The following AHSA1 variants were observed in gnomAD, a reference collection of about 807,000 sequenced individuals.
AHSA1 encodes the protein activator of 90 kDa heat shock protein ATPase homolog 1.
Under a neutral mutation model 46.1 loss-of-function variants are expected in AHSA1, and 14 were observed. The ratio of observed to expected loss-of-function variants is 0.30; its 90% CI spans 0.20 to 0.47. The LOEUF (loss-of-function observed/expected upper bound fraction) is 0.47, where lower values mean the gene tolerates loss of function less well. AHSA1 is among the 20% of genes least tolerant of loss of function. The pLI is 0.99. For synonymous variants in AHSA1, 147 were observed against 145.8 expected, an observed-to-expected ratio of 1.01 and a Z score of -0.06; for missense variants, 333 against 415.9, an observed-to-expected ratio of 0.80 and a Z score of 1.73.
chr14:77,458,389 G>C (rs989421171), intron 1 of AHSA1, 120 bp downstream of exon 1: 2 of 1,041,590 alleles, frequency 1.9e-6, no homozygotes, highest in African/African-American at 3.4e-5. Flanking sequence ...GGAGATGGGG[G>C]TGGGTCCTTC....
At chr14:77,461,772 A>T in intron 2 of AHSA1, among the ~76,000 whole-genome samples, 1 of 152,250 alleles carries the variant, frequency 6.6e-6, no homozygotes, top group East Asian at 1.9e-4. Flanking sequence ...ATGGAGTCAC[A>T]TATAAGCAAA....
At chr14:77,459,568 G>T (rs759600227) in intron 1 of AHSA1, 48 bp from the exon 2 acceptor site, 1 of 1,588,216 alleles carries the variant, frequency 6.3e-7, no homozygotes. Context: ...ATAGAGCAGC[G>T]TATCCTCCGT....
Position 77,463,803 on chromosome 14 carries a change from G to A in AHSA1, c.473-795G>A, listed in dbSNP as rs141623260. Among the ~76,000 whole-genome samples the A allele has an allele frequency of 2.8e-3, 433 of 152,302 alleles. 2 individuals carry two copies. The highest frequency in any genetic ancestry group is 0.019 in the Admixed American group (288 of 15,300). On this transcript the variant is annotated intron_variant, in intron 4 of 8. Transcript: ENST00000216479. ...TTTCTGCCAGTGTATTCTGATCTTG[G>A]TGTTGGAATATGTATAATAACCATC...
chr14:77,468,391 C>A, intron 7 of AHSA1, 66 bp from the exon 8 acceptor site: 1 of 1,466,840 alleles, frequency 6.8e-7, no homozygotes, highest in Non-Finnish European at 9.5e-7. Context: ...GGGCAGATGA[C>A]TGATCCTAGC....
At chr14:77,458,012 T>A, upstream of AHSA1, 1 of 523,046 alleles carries the variant, frequency 1.9e-6, no homozygotes, top group Non-Finnish European at 3.3e-6. Flanking sequence ...AAGTAACCGG[T>A]GGGAGTGGGG....
At chr14:77,468,755 C>CTTTTTTTTTTTTTT (rs770728219) in intron 8 of AHSA1, 51 of 313,384 alleles carry the variant, frequency 1.6e-4, no homozygotes, top group African/African-American at 8.8e-4. Flanking sequence ...TACTTTTTTA[C>CTTTTTTTTTTTTTT]TTTTTTTGTA....
At chr14:77,459,911 G>A (rs1362160034) in intron 2 of AHSA1, 105 bp downstream of exon 2, 6 of 1,284,224 alleles carry the variant, frequency 4.7e-6, no homozygotes, top group Non-Finnish European at 6.7e-6. Flanking sequence ...AAGGGAGAAG[G>A]CAGATGTTGC....
intron 4 of AHSA1, among the ~76,000 whole-genome samples, chr14:77,463,432 C>A (rs1272013685): frequency 6.6e-6 from 1 of 151,238 alleles, no homozygotes; most frequent in Non-Finnish European, 1.5e-5. Flanking sequence ...ACTAAAAATA[C>A]AAAATTAGCC....
In AHSA1 at chr14:77,468,755, C is replaced by CTTT. The variant is rs770728219; in HGVS notation, c.844+252_844+254dup. On this transcript the variant is annotated intron_variant, in intron 8 of 8. Transcript: ENST00000216479. ...TTTTTTTTTTTTTTTTACTTTTTTA[C>CTTT]TTTTTTTGTAGAGATGGGGTCCTAC... 5.7e-5 allele frequency: 18 copies of CTTT among 313,400 alleles called. 2 individuals are homozygous for CTTT. Among genetic ancestry groups the CTTT allele is most frequent in the Middle Eastern group, 8.3e-4 (1 of 1,208 alleles). The allele number at this position is 313,400 out of a possible 1,614,324, so 19.4% of individuals were successfully genotyped here.
At chr14:77,462,431 T>C in intron 3 of AHSA1, 189 bp downstream of exon 3, 1 of 718,728 alleles carries the variant, frequency 1.4e-6, no homozygotes, top group Non-Finnish European at 2.3e-6. Flanking sequence ...CTTTAATTTC[T>C]TCACTTTAGC....
In AHSA1 at chr14:77,469,287, A is replaced by C. The variant is rs368763735; in HGVS notation, c.*38A>C. ...GGGACTCCAGCCTGCTGGACACTTC[A>C]GTCCAGCTCTCTCCTGACTGGGGCT... is the stretch of plus-strand genomic sequence containing the variant. On this transcript the variant is annotated 3_prime_UTR_variant, in exon 9 of 9. Transcript: ENST00000216479. 13 of 1,603,178 alleles carry C rather than the reference A, an allele frequency of 8.1e-6. No homozygotes were observed. In the African/African-American group the frequency reaches 1.1e-4, roughly 13 times the overall value.
chr14:77,459,761 A>T lies in AHSA1; in HGVS notation c.226A>T (p.Lys76Ter). ...GEASINNRKG[K>*]LIFFYEWSVK... ...GGCATCCATTAACAATCGCAAAGGG[A>T]AACTTATCTTCTTTTATGAATGGAG... Residue 76 changes from lysine (K) to a stop codon, truncating the protein, a stop_gained, in exon 2 of 9, where the codon AAA becomes TAA. Transcript: ENST00000216479. LOFTEE classifies it high-confidence loss of function. 1 of 1,614,200 alleles carries T rather than the reference A, an allele frequency of 6.2e-7. No homozygotes were observed. The highest frequency in any genetic ancestry group is 1.3e-5 in the African/African-American group (1 of 75,038).
chr14:77,460,074 C>A, intron 2 of AHSA1: 1 of 478,926 alleles, frequency 2.1e-6, no homozygotes, highest in Non-Finnish European at 3.8e-6. Context: ...TGTTGGGACA[C>A]CTACGATGAT....
rs150549065 is a variant in AHSA1, at chr14:77,459,638, T to C, written c.103T>C (p.Trp35Arg). The change falls in exon 2 of 9, where the codon TGG becomes CGG. Residue 35 changes from tryptophan (W) to arginine (R), a missense_variant. Trp to Arg is a moderately radical substitution (Grantham distance 101). Transcript: ENST00000216479. Reference sequence around the variant, plus strand: ...CAGGACGGAGAGAGATGCTTCAAATTGGTCCACGGATAAGCTGAAAACACT... The same window carrying C: ...CAGGACGGAGAGAGATGCTTCAAATCGGTCCACGGATAAGCTGAAAACACT... ...WHWTERDASNWSTDKLKTLFL... is the reference protein window; with the variant it reads ...WHWTERDASNRSTDKLKTLFL... 5 of 1,614,218 alleles carry C rather than the reference T, an allele frequency of 3.1e-6. No homozygotes were observed. Among genetic ancestry groups the C allele is most frequent in the Non-Finnish European group, 4.2e-6 (5 of 1,180,044 alleles).
At chr14:77,464,154 A>T (rs1205369461) in intron 4 of AHSA1, among the ~76,000 whole-genome samples, 1 of 152,198 alleles carries the variant, frequency 6.6e-6, no homozygotes, top group Non-Finnish European at 1.5e-5. Flanking sequence ...CGAGGCTAGT[A>T]GATCACAAGG....
In AHSA1 at chr14:77,469,068, C is replaced by T. The variant is rs769486247; in HGVS notation, c.845-9C>T. 2 of 1,613,682 alleles carry T rather than the reference C, an allele frequency of 1.2e-6. No individual in the cohort carries two copies. Among genetic ancestry groups the T allele is most frequent in the African/African-American group, 1.3e-5 (1 of 75,008 alleles). On this transcript the variant is annotated splice_polypyrimidine_tract_variant and intron_variant, in intron 8 of 8. Coordinates refer to ENST00000216479, the MANE Select transcript of AHSA1 (RefSeq NM_012111.3). ...GATATGAAACCTCCGTCCCCTCTGCCTTTCCCAGGACACTTTGCCACCATC... is the reference window on the plus strand; with the variant it reads ...GATATGAAACCTCCGTCCCCTCTGCTTTTCCCAGGACACTTTGCCACCATC...
At chr14:77,458,596 T>A (rs190077381) in intron 1 of AHSA1, among the ~76,000 whole-genome samples, 1 of 152,384 alleles carries the variant, frequency 6.6e-6, no homozygotes, top group East Asian at 1.9e-4. Flanking sequence ...TCACTGAGAC[T>A]GGAACCTCCT....
chr14:77,465,476 A>G, intron 5 of AHSA1, 63 bp from the exon 6 acceptor site: 1 of 1,564,438 alleles, frequency 6.4e-7, no homozygotes, highest in Non-Finnish European at 8.7e-7. Flanking sequence ...CTGTCTCTGA[A>G]GCCACGTTGA....
chr14:77,468,562 ATTTT>A (rs36001778), intron 8 of AHSA1, 54 bp downstream of exon 8: 241 of 1,089,760 alleles, frequency 2.2e-4, no homozygotes, highest in Non-Finnish European at 2.6e-4. Context: ...CTTTGCTGTA[ATTTT>A]TTTTTTTTTT....
Sources: gnomAD v4.1 joint callset for allele counts (sites outside exome capture counted in the v4.1 genomes callset) on GRCh38, gnomAD v4.1.1 for gene constraint, MANE v1.5 for transcripts, NCBI Gene and HGNC (gene_info 2026-07-23, HGNC 2026-07-21) for gene names.